The following ENO1 variants were observed in gnomAD, a reference collection of about 807,000 sequenced individuals.
The protein encoded by ENO1 is alpha-enolase.
ENO1 carries 33 observed loss-of-function variants against 46.3 expected under a neutral mutation model. The ratio of observed to expected loss-of-function variants is 0.71; its 90% CI spans 0.54 to 0.95. The LOEUF is 0.95. ENO1 is among the 40% of genes least tolerant of loss of function. The pLI, the probability that ENO1 is intolerant of heterozygous loss-of-function variation, is 0.00. For synonymous variants in ENO1, 220 were observed against 216.0 expected (o/e 1.02, Z -0.16); for missense variants, 488 against 553.3 (o/e 0.88, Z 1.18).
intron 4 of ENO1, among the ~76,000 whole-genome samples, chr1:8,868,761 C>T (rs1642574102): frequency 6.6e-6 from 1 of 152,204 alleles, no homozygotes; most frequent in Non-Finnish European, 1.5e-5. Context: ...TCTCAGCTCA[C>T]TGCAACCTCC....
At chr1:8,872,546 C>T (rs1403102376) in intron 2 of ENO1, among the ~76,000 whole-genome samples, 1 of 152,080 alleles carries the variant, frequency 6.6e-6, no homozygotes, top group African/African-American at 2.4e-5. Flanking sequence ...CCACGCCCGG[C>T]TAGTTTTTTT....
At chr1:8,874,678 G>A in intron 2 of ENO1, 146 bp downstream of exon 2, 1 of 534,796 alleles carries the variant, frequency 1.9e-6, no homozygotes, top group South Asian at 3.5e-5. Flanking sequence ...AACCCTCACA[G>A]TCAGGAATCA....
chr1:8,875,151 A>C (rs1224779905), intron 1 of ENO1, among the ~76,000 whole-genome samples: 2 of 152,222 alleles, frequency 1.3e-5, no homozygotes, highest in Non-Finnish European at 2.9e-5. Context: ...TTTTATGCCT[A>C]GTATTCCATT....
At chr1:8,873,221 T>C (rs1163657601) in intron 2 of ENO1, among the ~76,000 whole-genome samples, 1 of 152,174 alleles carries the variant, frequency 6.6e-6, no homozygotes, top group African/African-American at 2.4e-5. Flanking sequence ...CTAGTGGGGA[T>C]GCTGACAATG....
In ENO1 at chr1:8,871,930, C is replaced by G. The variant is rs1557585793; in HGVS notation, c.142G>C (p.Glu48Gln). The change falls in exon 3 of 12, where the codon GAG becomes CAG. Residue 48 changes from glutamate (E) to glutamine (Q), a missense_variant. Glu to Gln is a conservative substitution (Grantham distance 29). Transcript: ENST00000234590. ...GASTGIYEAL[E>Q]LRDNDKTRYM... ...CGAGTCTTATCATTGTCCCGGAGCT[C>G]TAGGGCCTCATAGATACCAGTTGAA... is the stretch of plus-strand genomic sequence containing the variant. 1.9e-6 allele frequency: 3 copies of G among 1,614,162 alleles called. No homozygotes were observed. The highest frequency in any genetic ancestry group is 2.5e-6 in the Non-Finnish European group (3 of 1,180,028).
chr1:8,870,499 C>T lies in ENO1; in HGVS notation c.193G>A (p.Ala65Thr). Residue 65 changes from alanine to threonine, a missense_variant, in exon 4 of 12, where the codon GCT (alanine) becomes ACT (threonine). Ala to Thr is a moderately conservative substitution (Grantham distance 58). Transcript: ENST00000234590. ...ATAGTTTTATTGATGTGCTCAACAGCCTTTGAGACACCTGGAAGGAACAAT... is the reference window on the plus strand; with the variant it reads ...ATAGTTTTATTGATGTGCTCAACAGTCTTTGAGACACCTGGAAGGAACAAT... ...TRYMGKGVSKAVEHINKTIAP... is the reference protein window; with the variant it reads ...TRYMGKGVSKTVEHINKTIAP... 1 of 1,614,164 alleles carries T rather than the reference C, an allele frequency of 6.2e-7. No individual in the cohort carries two copies. The highest frequency in any genetic ancestry group is 8.5e-7 in the Non-Finnish European group (1 of 1,180,040).
chr1:8,863,669 C>T (rs781288591), intron 9 of ENO1, among the ~76,000 whole-genome samples: 1 of 152,156 alleles, frequency 6.6e-6, no homozygotes, highest in Non-Finnish European at 1.5e-5. Flanking sequence ...CTTGAGCTCC[C>T]GAGCTCAAGT....
At chr1:8,871,796 C>T (rs1311001775) in intron 3 of ENO1, 95 bp downstream of exon 3, 2 of 1,394,084 alleles carry the variant, frequency 1.4e-6, no homozygotes, top group Non-Finnish European at 2.0e-6. Context: ...CATAAACCTG[C>T]AAGTGCAAGT....
intron 10 of ENO1, 119 bp downstream of exon 10, chr1:8,863,116 A>T: frequency 1.5e-6 from 2 of 1,377,284 alleles, no homozygotes; most frequent in South Asian, 2.6e-5. Flanking sequence ...CAGCCTCAGA[A>T]ACAAGAGCAC....
intron 4 of ENO1, among the ~76,000 whole-genome samples, chr1:8,869,119 G>A (rs1240503803): frequency 2.6e-5 from 4 of 152,280 alleles, no homozygotes; most frequent in Non-Finnish European, 4.4e-5. Context: ...GCAATTTGGT[G>A]TCTTTCACAG....
intron 3 of ENO1, chr1:8,870,854 CATT>C: frequency 7.6e-7 from 1 of 1,318,332 alleles, no homozygotes; most frequent in Non-Finnish European, 9.7e-7. Flanking sequence ...GCCAGGAACT[CATT>C]AATATACTTA....
chr1:8,876,799 A>C (rs574955820), intron 1 of ENO1, among the ~76,000 whole-genome samples: 240 of 148,772 alleles, frequency 1.6e-3, no homozygotes, highest in African/African-American at 5.5e-3. Context: ...CCGTCTCAGA[A>C]AAAAAAAAAA....
chr1:8,874,597 A>AAG (rs1642699177), intron 2 of ENO1, among the ~76,000 whole-genome samples: 2 of 147,098 alleles, frequency 1.4e-5, no homozygotes, highest in African/African-American at 2.5e-5. Flanking sequence ...AAAAAAAAAA[A>AAG]AAAGAAAAAG....
In ENO1 at chr1:8,861,277, G is replaced by A. The variant is rs562450138; in HGVS notation, c.*83C>T. 102 of 1,437,122 alleles carry A rather than the reference G, an allele frequency of 7.1e-5. 1 individual carries two copies. The highest frequency in any genetic ancestry group is 4.8e-4 in the Middle Eastern group (2 of 4,134). 89.0% of individuals were successfully genotyped at this position (1,437,122 alleles called of 1,614,324 possible). On this transcript the variant is annotated 3_prime_UTR_variant, in exon 12 of 12. Coordinates refer to ENST00000234590, the MANE Select transcript of ENO1 (RefSeq NM_001428.5). ...GCAGGGACCCCTGCAAGTGTTGGTC[G>A]GGGGCCTCGAGCTGCCTGAGCTGAC...
intron 5 of ENO1, among the ~76,000 whole-genome samples, 168 bp downstream of exon 5, chr1:8,867,820 G>T (rs543671127): frequency 7.9e-4 from 121 of 152,250 alleles, no homozygotes; most frequent in African/African-American, 2.8e-3. Context: ...GTGAGCCACC[G>T]CACCTGGCCA....
chr1:8,865,200 A>T lies in ENO1; in HGVS notation c.865+85T>A, dbSNP rs1642484164. The T allele has an allele frequency of 2.6e-6, 4 of 1,528,054 alleles. No individual in the cohort carries two copies. In the East Asian group the frequency reaches 9.0e-5, roughly 35 times the overall value. 94.7% of individuals were successfully genotyped at this position (1,528,054 alleles called of 1,614,324 possible). ...CACTCCCTCCCCATCCCCTCCTTGC[A>T]GCCATCACCAGCCAGCCAGATGCTC... On this transcript the variant is annotated intron_variant, in intron 8 of 11. Coordinates refer to ENST00000234590, the MANE Select transcript of ENO1 (RefSeq NM_001428.5).
chr1:8,861,433 G>C lies in ENO1; in HGVS notation c.1236-4C>G. ...GCTGCCCAGCTCCTCTTCAATTCTT[G>C]GGAAGGAGAAAGGTAAAGAGATGGG... On this transcript the variant is annotated splice_region_variant and splice_polypyrimidine_tract_variant and intron_variant, in intron 11 of 11. Transcript: ENST00000234590. 6.2e-7 allele frequency: 1 copy of C among 1,613,924 alleles called. No individual in the cohort carries two copies. Among genetic ancestry groups the C allele is most frequent in the Non-Finnish European group, 8.5e-7 (1 of 1,179,962 alleles).
intron 4 of ENO1, among the ~76,000 whole-genome samples, chr1:8,869,665 T>C (rs766034752): frequency 6.6e-6 from 1 of 152,178 alleles, no homozygotes; most frequent in Non-Finnish European, 1.5e-5. Context: ...CTTCAAGCGA[T>C]TCTCATGTCT....
intron 11 of ENO1, among the ~76,000 whole-genome samples, chr1:8,862,269 AAAC>A (rs1642419774): frequency 1.3e-5 from 2 of 152,208 alleles, no homozygotes; most frequent in East Asian, 1.9e-4. Flanking sequence ...CAAACAAACA[AAAC>A]AACAAAAAAG....
Sources: gnomAD v4.1 joint callset for allele counts (sites outside exome capture counted in the v4.1 genomes callset) on GRCh38, gnomAD v4.1.1 for gene constraint, MANE v1.5 for transcripts, NCBI Gene and HGNC (gene_info 2026-07-23, HGNC 2026-07-21) for gene names.